Variants in MAGI2 observed in about 807,000 individuals in gnomAD.
The protein encoded by MAGI2 is membrane-associated guanylate kinase, WW and PDZ domain-containing protein 2.
In MAGI2, 35 loss-of-function variants were observed where a neutral mutation model predicts 133.3. The observed-to-expected ratio is 0.26, with a 90% CI of 0.20 to 0.35. MAGI2 has a LOEUF of 0.35. Among genes scored for constraint, MAGI2 ranks in the 10% least tolerant of loss-of-function variants. MAGI2 has a pLI of 1.00. For missense variants in MAGI2, 1,636 were observed against 1,863.4 expected (o/e 0.88, Z 2.25); for synonymous variants, 729 against 710.6 (o/e 1.03, Z -0.41).
At chr7:78,157,022 T>C (rs1824463819) in intron 16 of MAGI2, among the ~76,000 whole-genome samples, 2 of 152,182 alleles carry the variant, frequency 1.3e-5, no homozygotes, top group Non-Finnish European at 2.9e-5. Context: ...TGACCAGGGA[T>C]ATGTGGCACA....
intron 20 of MAGI2, among the ~76,000 whole-genome samples, chr7:78,083,386 GGGAGA>G (rs1816227555): frequency 3.9e-5 from 2 of 51,032 alleles, no homozygotes; most frequent in African/African-American, 1.6e-4. Context: ...GAGGGAGGGG[GGGAGA>G]GAGAGAGAGA....
chr7:78,369,800 A>G (rs1406587110), intron 6 of MAGI2, among the ~76,000 whole-genome samples: 1 of 151,978 alleles, frequency 6.6e-6, no homozygotes, highest in Non-Finnish European at 1.5e-5. Flanking sequence ...TTGATATTAT[A>G]GTTCATATTT....
intron 3 of MAGI2, among the ~76,000 whole-genome samples, chr7:78,586,749 TC>T (rs1803459793): frequency 6.6e-6 from 1 of 152,170 alleles, no homozygotes; most frequent in Non-Finnish European, 1.5e-5. Flanking sequence ...CTCCCTGCAG[TC>T]CTCACAACCA....
chr7:78,724,246 C>T (rs974308136), intron 2 of MAGI2, among the ~76,000 whole-genome samples: 1 of 152,160 alleles, frequency 6.6e-6, no homozygotes, highest in Non-Finnish European at 1.5e-5. Flanking sequence ...ACATCTCTTT[C>T]CCTCTCTAGG....
chr7:78,968,115 G>A (rs938917657), intron 2 of MAGI2, among the ~76,000 whole-genome samples: 1 of 152,136 alleles, frequency 6.6e-6, no homozygotes, highest in African/African-American at 2.4e-5. Context: ...ACAGGCGTGA[G>A]CCACCGCACC....
intron 1 of MAGI2, among the ~76,000 whole-genome samples, chr7:79,228,294 G>A (rs1831036297): frequency 7.1e-6 from 1 of 140,174 alleles, no homozygotes; most frequent in Non-Finnish European, 1.5e-5. Flanking sequence ...AGTGAACTAT[G>A]ATAACACCAC....
intron 2 of MAGI2, among the ~76,000 whole-genome samples, chr7:78,874,129 A>T (rs1795240375): frequency 6.6e-6 from 1 of 152,216 alleles, no homozygotes; most frequent in Non-Finnish European, 1.5e-5. Context: ...TATCAAATAT[A>T]CAGACATATG....
At chr7:79,082,660 C>G (rs986575742) in intron 1 of MAGI2, among the ~76,000 whole-genome samples, 2 of 151,980 alleles carry the variant, frequency 1.3e-5, no homozygotes, top group African/African-American at 2.4e-5. Context: ...TTTATTTTTA[C>G]TTTTCAAGTT....
intron 1 of MAGI2, among the ~76,000 whole-genome samples, chr7:79,105,118 G>A (rs1281939477): frequency 6.6e-6 from 1 of 152,184 alleles, no homozygotes; most frequent in African/African-American, 2.4e-5. Context: ...TTAACAAATC[G>A]TTCTGAGTGC....
chr7:78,318,388 A>T (rs1198820534), intron 9 of MAGI2, among the ~76,000 whole-genome samples: 1 of 152,206 alleles, frequency 6.6e-6, no homozygotes, highest in Non-Finnish European at 1.5e-5. Flanking sequence ...TTGAAGAGCA[A>T]CTCAATGAAA....
At chr7:79,169,398 T>C (rs1355272016) in intron 1 of MAGI2, among the ~76,000 whole-genome samples, 1 of 152,144 alleles carries the variant, frequency 6.6e-6, no homozygotes, top group Non-Finnish European at 1.5e-5. Flanking sequence ...TTCTTTGGAA[T>C]GTCATAGTTC....
At chr7:79,248,465 C>T (rs986797562) in intron 1 of MAGI2, among the ~76,000 whole-genome samples, 2 of 152,074 alleles carry the variant, frequency 1.3e-5, no homozygotes, top group African/African-American at 4.8e-5. Flanking sequence ...ATCATCTAGA[C>T]AAAAATCTAA....
chr7:78,879,644 A>G (rs1795690575), intron 2 of MAGI2, among the ~76,000 whole-genome samples: 1 of 152,136 alleles, frequency 6.6e-6, no homozygotes, highest in Non-Finnish European at 1.5e-5. Flanking sequence ...GGTGAGAAGG[A>G]GCCAGCACAA....
intron 1 of MAGI2, chr7:79,125,278 C>CA: frequency 2.2e-6 from 1 of 451,770 alleles, no homozygotes; most frequent in Non-Finnish European, 4.3e-6. Context: ...AAAGCCCTGC[C>CA]AAAACAAGAG....
At chr7:78,406,852 T>A (rs1208134934) in intron 6 of MAGI2, among the ~76,000 whole-genome samples, 1 of 152,104 alleles carries the variant, frequency 6.6e-6, no homozygotes, top group Non-Finnish European at 1.5e-5. Flanking sequence ...TATTGACATA[T>A]AATACTACAT....
At chr7:79,336,314 G>A (rs1840436141) in intron 1 of MAGI2, among the ~76,000 whole-genome samples, 1 of 151,950 alleles carries the variant, frequency 6.6e-6, no homozygotes, top group Non-Finnish European at 1.5e-5. Flanking sequence ...GGCTTATTCT[G>A]CCCAACTTCA....
chr7:78,543,346 T>C (rs1460394475), intron 3 of MAGI2, among the ~76,000 whole-genome samples: 2 of 152,212 alleles, frequency 1.3e-5, no homozygotes, highest in Non-Finnish European at 2.9e-5. Flanking sequence ...ATCTATCTAA[T>C]AACACAACCC....
intron 9 of MAGI2, among the ~76,000 whole-genome samples, chr7:78,336,209 C>A (rs116412133): frequency 6.6e-6 from 1 of 152,190 alleles, no homozygotes; most frequent in African/African-American, 2.4e-5. Context: ...TAAAAAAATA[C>A]ATATATATAC....
intron 2 of MAGI2, among the ~76,000 whole-genome samples, chr7:78,748,330 G>T (rs1823123244): frequency 1.3e-5 from 2 of 152,128 alleles, no homozygotes; most frequent in Non-Finnish European, 2.9e-5. Flanking sequence ...AGAAACTTTT[G>T]AAATCAACTA....
Sources: gnomAD v4.1 joint callset for allele counts (sites outside exome capture counted in the v4.1 genomes callset) on GRCh38, gnomAD v4.1.1 for gene constraint, MANE v1.5 for transcripts, NCBI Gene and HGNC (gene_info 2026-07-23, HGNC 2026-07-21) for gene names.